KIAA1328: variants seen among roughly 807,000 people sequenced by gnomAD.
KIAA1328 encodes the protein protein hinderin.
A neutral mutation model predicts 68.1 loss-of-function variants in KIAA1328; 52 were observed. The ratio of observed to expected loss-of-function variants is 0.76; its 90% CI spans 0.61 to 0.96. The LOEUF (loss-of-function observed/expected upper bound fraction) is 0.96, where lower values mean the gene tolerates loss of function less well. Among genes scored for constraint, KIAA1328 ranks in the 40% least tolerant of loss-of-function variants. The pLI is 0.00. For synonymous variants in KIAA1328, 232 were observed against 239.4 expected (o/e 0.97, Z 0.28); for missense variants, 641 against 677.6 (o/e 0.95, Z 0.60).
intron 7 of KIAA1328, among the ~76,000 whole-genome samples, chr18:37,125,405 T>C (rs1231205389): frequency 1.3e-5 from 2 of 152,074 alleles, no homozygotes; most frequent in Admixed American, 6.6e-5. Flanking sequence ...TATTAGAAAG[T>C]TTAAATGTTT....
chr18:36,852,197 CAT>C (rs1404807907), intron 4 of KIAA1328, among the ~76,000 whole-genome samples: 24 of 152,206 alleles, frequency 1.6e-4, no homozygotes, highest in African/African-American at 2.6e-4. Context: ...TATGACCTAA[CAT>C]GTGGTTTATC....
At chr18:36,886,558 A>T (rs1598611256) in intron 5 of KIAA1328, among the ~76,000 whole-genome samples, 1 of 151,948 alleles carries the variant, frequency 6.6e-6, no homozygotes, top group African/African-American at 2.4e-5. Flanking sequence ...GTAAGAAGAT[A>T]AAGTAAAAAC....
chr18:36,852,141 G>T (rs2047232723), intron 4 of KIAA1328, among the ~76,000 whole-genome samples: 1 of 152,068 alleles, frequency 6.6e-6, no homozygotes, highest in African/African-American at 2.4e-5. Flanking sequence ...GGTGGAAAAG[G>T]TACTTTGTAT....
chr18:37,088,480 T>C (rs1309511963), intron 7 of KIAA1328, among the ~76,000 whole-genome samples: 2 of 152,124 alleles, frequency 1.3e-5, no homozygotes, highest in Admixed American at 6.5e-5. Flanking sequence ...TAATGCTTTG[T>C]GTTTCTTTGT....
At chr18:37,182,317 C>A (rs565375344) in intron 9 of KIAA1328, among the ~76,000 whole-genome samples, 1 of 152,140 alleles carries the variant, frequency 6.6e-6, no homozygotes, top group African/African-American at 2.4e-5. Context: ...AAGTAAAGCT[C>A]CAAGAGACAA....
chr18:36,913,333 A>G (rs1014779286), intron 5 of KIAA1328, among the ~76,000 whole-genome samples: 3 of 151,620 alleles, frequency 2.0e-5, no homozygotes, highest in Non-Finnish European at 4.4e-5. Flanking sequence ...AGCTTGAGCA[A>G]CATAGTAAGA....
At chr18:37,018,069 C>T (rs1239896215) in intron 6 of KIAA1328, among the ~76,000 whole-genome samples, 1 of 152,050 alleles carries the variant, frequency 6.6e-6, no homozygotes, top group Non-Finnish European at 1.5e-5. Context: ...GGGTTATGTA[C>T]TTAGGTGTGT....
chr18:36,908,568 T>G (rs1050282972), intron 5 of KIAA1328, among the ~76,000 whole-genome samples: 5 of 152,144 alleles, frequency 3.3e-5, no homozygotes, highest in African/African-American at 1.2e-4. Flanking sequence ...GATTGAACTT[T>G]TGAGCTCAAG....
chr18:36,908,308 A>G (rs1240694843), intron 5 of KIAA1328, among the ~76,000 whole-genome samples: 1 of 152,140 alleles, frequency 6.6e-6, no homozygotes, highest in Non-Finnish European at 1.5e-5. Flanking sequence ...TTATTTTAGC[A>G]ACTTACAGAC....
At position 36,858,515 on chromosome 18, in the gene KIAA1328, G is replaced by A. The variant is rs149649006; in HGVS notation, c.332+14213G>A. Among the ~76,000 whole-genome samples, 202 of 152,212 alleles carry A rather than the reference G, an allele frequency of 1.3e-3. 2 individuals are homozygous for A. In the East Asian group the frequency reaches 0.015, roughly 12 times the overall value. On this transcript the variant is annotated intron_variant, in intron 4 of 9. Transcript: ENST00000280020. ...AAACTAAGAAATTAACACTGGTATAGTACTGTTAATTAGCCTATCAACTTT... is the reference window on the plus strand; with the variant it reads ...AAACTAAGAAATTAACACTGGTATAATACTGTTAATTAGCCTATCAACTTT...
intron 4 of KIAA1328, among the ~76,000 whole-genome samples, chr18:36,862,257 A>G (rs979275089): frequency 1.8e-4 from 27 of 152,102 alleles, no homozygotes; most frequent in Admixed American, 2.6e-4. Context: ...ATTCAGTGCA[A>G]TTTTTTCATG....
chr18:37,200,680 G>A (rs920713422), intron 9 of KIAA1328, among the ~76,000 whole-genome samples: 127 of 151,710 alleles, frequency 8.4e-4, no homozygotes, highest in East Asian at 5.8e-4. Flanking sequence ...GCGCGGTGGC[G>A]GGCGCCTGTA....
chr18:36,971,366 C>A (rs1452764394), intron 6 of KIAA1328, among the ~76,000 whole-genome samples: 1 of 152,094 alleles, frequency 6.6e-6, no homozygotes, highest in Non-Finnish European at 1.5e-5. Context: ...CTAGGTAATA[C>A]CATTCACGAC....
intron 5 of KIAA1328, among the ~76,000 whole-genome samples, chr18:36,923,012 TTA>T (rs1158769536): frequency 6.7e-6 from 1 of 149,448 alleles, no homozygotes; most frequent in Admixed American, 6.8e-5. Context: ...TTGAAGATGT[TTA>T]TGATTGATTT....
At chr18:36,832,018 TATAA>T (rs2046510078) in intron 1 of KIAA1328, among the ~76,000 whole-genome samples, 1 of 152,204 alleles carries the variant, frequency 6.6e-6, no homozygotes, top group Non-Finnish European at 1.5e-5. Context: ...TTTTAGGTAT[TATAA>T]ATAATCTAGA....
At chr18:36,929,214 T>C (rs2050226474) in intron 5 of KIAA1328, among the ~76,000 whole-genome samples, 1 of 152,180 alleles carries the variant, frequency 6.6e-6, no homozygotes. Context: ...TGAATATTGA[T>C]GGAATTTCCA....
intron 8 of KIAA1328, among the ~76,000 whole-genome samples, chr18:37,171,662 T>A (rs527373293): frequency 1.3e-5 from 2 of 152,176 alleles, no homozygotes; most frequent in African/African-American, 4.8e-5. Flanking sequence ...GATTTCTATA[T>A]ATAAAGAAGA....
At chr18:37,096,161 T>A (rs1485196268) in intron 7 of KIAA1328, among the ~76,000 whole-genome samples, 1 of 152,202 alleles carries the variant, frequency 6.6e-6, no homozygotes, top group Non-Finnish European at 1.5e-5. Context: ...TGTGCCATGT[T>A]GGTGTGCTGC....
intron 5 of KIAA1328, among the ~76,000 whole-genome samples, chr18:36,940,765 T>C (rs1270035069): frequency 6.8e-6 from 1 of 146,872 alleles, no homozygotes; most frequent in African/African-American, 2.5e-5. Flanking sequence ...AACCTCTGCC[T>C]CCCGGGTTCA....
Sources: gnomAD v4.1 joint callset for allele counts (sites outside exome capture counted in the v4.1 genomes callset) on GRCh38, gnomAD v4.1.1 for gene constraint, MANE v1.5 for transcripts, NCBI Gene and HGNC (gene_info 2026-07-23, HGNC 2026-07-21) for gene names.